Variants in CNTNAP2 observed in about 807,000 individuals in gnomAD.
CNTNAP2 encodes contactin associated protein 2, also known as contactin-associated protein-like 2.
CNTNAP2 carries 98 observed loss-of-function variants against 155.2 expected under a neutral mutation model. The ratio of observed to expected loss-of-function variants is 0.63; its 90% CI spans 0.54 to 0.75. CNTNAP2 has a LOEUF of 0.75. CNTNAP2 is among the 30% of genes least tolerant of loss of function. The probability of loss-of-function intolerance (pLI) is 0.00; values close to 1 mark genes in which losing one functional copy is unlikely to be tolerated. For synonymous variants in CNTNAP2, 651 were observed against 631.2 expected, an observed-to-expected ratio of 1.03 and a Z score of -0.47; for missense variants, 1,727 against 1,688.1, an observed-to-expected ratio of 1.02 and a Z score of -0.40.
At chr7:147,777,293 C>T (rs1278618454) in intron 13 of CNTNAP2, among the ~76,000 whole-genome samples, 2 of 152,018 alleles carry the variant, frequency 1.3e-5, no homozygotes, top group African/African-American at 2.4e-5. Context: ...ATATAAATGT[C>T]TAAAGTAGAG....
In CNTNAP2 at chr7:147,601,359, C is replaced by T. The variant is rs1039056149; in HGVS notation, c.1898-37747C>T. 2.0e-5 allele frequency among the ~76,000 whole-genome samples: 3 copies of T among 150,972 alleles called. No individual in the cohort carries two copies. The East Asian group carries it at 5.9e-4, about 30-fold the overall frequency. On this transcript the variant is annotated intron_variant, in intron 12 of 23. Transcript: ENST00000361727. Reference sequence around the variant, plus strand: ...GATTTGGGTAGGTAGTGGAAAATTACAGTCAAAGGGGGTTGTTCTCTGGCG... The same window carrying T: ...GATTTGGGTAGGTAGTGGAAAATTATAGTCAAAGGGGGTTGTTCTCTGGCG...
chr7:147,296,959 C>G (rs1048236624), intron 8 of CNTNAP2, among the ~76,000 whole-genome samples: 9 of 152,040 alleles, frequency 5.9e-5, no homozygotes, highest in African/African-American at 2.2e-4. Context: ...CAGGTGACAG[C>G]CAGAGTGGGA....
intron 1 of CNTNAP2, among the ~76,000 whole-genome samples, chr7:146,501,678 A>AC (rs1797302154): frequency 6.6e-6 from 1 of 152,056 alleles, no homozygotes; most frequent in Admixed American, 6.6e-5. Flanking sequence ...ATATATGCCC[A>AC]CCCAGAACCT....
At chr7:148,265,083 T>TTTG (rs1257696693) in intron 20 of CNTNAP2, among the ~76,000 whole-genome samples, 1 of 152,230 alleles carries the variant, frequency 6.6e-6, no homozygotes, top group Non-Finnish European at 1.5e-5. Context: ...ACAATGGCAT[T>TTTG]TTGCATTTAA....
chr7:147,435,121 A>G (rs1486417559), intron 10 of CNTNAP2, among the ~76,000 whole-genome samples: 1 of 152,196 alleles, frequency 6.6e-6, no homozygotes, highest in Non-Finnish European at 1.5e-5. Context: ...TGGGTAACAC[A>G]GGAAATGCCA....
chr7:147,562,081 A>C (rs756257031), intron 11 of CNTNAP2, 57 bp from the exon 12 acceptor site: 1 of 1,611,726 alleles, frequency 6.2e-7, no homozygotes, highest in Non-Finnish European at 8.5e-7. Flanking sequence ...TGGGACATTT[A>C]TCTGGGGAGC....
chr7:147,074,686 T>C (rs1255652572), intron 4 of CNTNAP2, among the ~76,000 whole-genome samples: 2 of 152,178 alleles, frequency 1.3e-5, no homozygotes, highest in Non-Finnish European at 2.9e-5. Context: ...ATACATCATA[T>C]TAAAAATGAA....
chr7:146,287,466 T>G (rs1265178401), intron 1 of CNTNAP2, among the ~76,000 whole-genome samples: 1 of 152,164 alleles, frequency 6.6e-6, no homozygotes, highest in Non-Finnish European at 1.5e-5. Flanking sequence ...TGAAGACATA[T>G]TATGATTTTT....
At chr7:148,385,030 G>T (rs1799159439) in intron 22 of CNTNAP2, among the ~76,000 whole-genome samples, 1 of 152,172 alleles carries the variant, frequency 6.6e-6, no homozygotes, top group South Asian at 2.1e-4. Context: ...CTTGTAATTT[G>T]TAACAGTTCA....
Position 147,722,909 on chromosome 7 carries a change from G to A in CNTNAP2, c.2098+83603G>A, listed in dbSNP as rs559624269. On this transcript the variant is annotated intron_variant, in intron 13 of 23. Coordinates refer to ENST00000361727, the MANE Select transcript of CNTNAP2 (RefSeq NM_014141.6). ...CAAGTCTAAAATTCTGGTATTCTCT[G>A]AACAATGCTATAGATAGTTGACTTT... Among the ~76,000 whole-genome samples the A allele has an allele frequency of 2.0e-5, 3 of 152,164 alleles. No individual in the cohort carries two copies. The South Asian group carries it at 6.2e-4, about 32-fold the overall frequency.
At chr7:148,254,573 G>A (rs563835822) in intron 20 of CNTNAP2, among the ~76,000 whole-genome samples, 3 of 152,054 alleles carry the variant, frequency 2.0e-5, no homozygotes, top group South Asian at 2.1e-4. Flanking sequence ...TCAGGAGATC[G>A]AGACCATCCT....
intron 9 of CNTNAP2, among the ~76,000 whole-genome samples, chr7:147,305,444 T>G (rs921486375): frequency 6.6e-6 from 1 of 152,270 alleles, no homozygotes; most frequent in African/African-American, 2.4e-5. Flanking sequence ...CCAGATAGTT[T>G]CCCAGAAATC....
chr7:146,366,083 T>G (rs915063864), intron 1 of CNTNAP2, among the ~76,000 whole-genome samples: 2 of 152,172 alleles, frequency 1.3e-5, no homozygotes, highest in Non-Finnish European at 2.9e-5. Context: ...TAAAGAGGGA[T>G]GTATATATGG....
chr7:147,550,097 C>T (rs748235583), intron 11 of CNTNAP2, among the ~76,000 whole-genome samples: 4 of 152,146 alleles, frequency 2.6e-5, no homozygotes, highest in Non-Finnish European at 4.4e-5. Context: ...TATTCTTCCA[C>T]TTTTAACAAC....
intron 1 of CNTNAP2, among the ~76,000 whole-genome samples, chr7:146,457,646 G>T (rs967828322): frequency 4.0e-5 from 6 of 149,828 alleles, no homozygotes; most frequent in African/African-American, 1.5e-4. Flanking sequence ...TGGGACTACA[G>T]GTACGTGCCA....
At chr7:148,215,308 C>T (rs1018567455) in intron 18 of CNTNAP2, among the ~76,000 whole-genome samples, 1 of 152,058 alleles carries the variant, frequency 6.6e-6, no homozygotes, top group African/African-American at 2.4e-5. Flanking sequence ...AATAATTATC[C>T]TTGGCTACAA....
At chr7:147,429,885 T>C (rs771174906) in intron 10 of CNTNAP2, among the ~76,000 whole-genome samples, 2 of 152,172 alleles carry the variant, frequency 1.3e-5, no homozygotes, top group African/African-American at 4.8e-5. Flanking sequence ...TTTGGCTTTT[T>C]TTCTGGGTTC....
At chr7:146,443,257 T>TAAAC (rs1327167081) in intron 1 of CNTNAP2, among the ~76,000 whole-genome samples, 1 of 149,050 alleles carries the variant, frequency 6.7e-6, no homozygotes, top group African/African-American at 2.5e-5. Context: ...AATAAATAAA[T>TAAAC]AGATAAATAA....
intron 13 of CNTNAP2, among the ~76,000 whole-genome samples, chr7:147,657,674 A>G (rs1795545931): frequency 6.6e-6 from 1 of 152,208 alleles, no homozygotes; most frequent in African/African-American, 2.4e-5. Flanking sequence ...TTGGGGTTAT[A>G]TATGTAGGAT....
Sources: allele counts gnomAD v4.1 joint callset (sites outside exome capture counted in the v4.1 genomes callset), GRCh38; gene constraint gnomAD v4.1.1; transcripts MANE v1.5; gene names NCBI Gene and HGNC (gene_info 2026-07-23, HGNC 2026-07-21).